RBFOX1: variants seen among roughly 807,000 people sequenced by gnomAD.
RBFOX1 encodes the protein RNA binding fox-1 homolog 1, also known as RNA binding protein fox-1 homolog 1.
Under a neutral mutation model 57.7 loss-of-function variants are expected in RBFOX1, and 8 were observed. The observed-to-expected ratio is 0.14, with a 90% CI of 0.08 to 0.25. The LOEUF (loss-of-function observed/expected upper bound fraction) is 0.25, where lower values mean the gene tolerates loss of function less well. RBFOX1 is among the 10% of genes least tolerant of loss of function. The pLI is 1.00. For missense variants in RBFOX1, 611 were observed against 548.5 expected (o/e 1.11, Z -1.14); for synonymous variants, 326 against 222.4 (o/e 1.47, Z -4.15).
At chr16:6,929,210 C>T (rs1288793366) in intron 3 of RBFOX1, among the ~76,000 whole-genome samples, 1 of 152,130 alleles carries the variant, frequency 6.6e-6, no homozygotes, top group Admixed American at 6.6e-5. Flanking sequence ...CAAGTGTGTT[C>T]TTAACTGCTT....
At chr16:5,583,396 C>G (rs1013429146) in intron 2 of RBFOX1, among the ~76,000 whole-genome samples, 2 of 152,206 alleles carry the variant, frequency 1.3e-5, no homozygotes, top group African/African-American at 2.4e-5. Context: ...CATACTTCAA[C>G]CACTTGTAGA....
intron 4 of RBFOX1, among the ~76,000 whole-genome samples, chr16:5,886,165 A>G (rs1185832069): frequency 6.6e-6 from 1 of 152,160 alleles, no homozygotes; most frequent in African/African-American, 2.4e-5. Context: ...CTGCCAGTCA[A>G]TTAAGCCTCT....
chr16:7,557,300 C>G (rs768101575), intron 5 of RBFOX1, among the ~76,000 whole-genome samples: 24 of 151,944 alleles, frequency 1.6e-4, no homozygotes, highest in Non-Finnish European at 3.1e-4. Context: ...GACCAAAATA[C>G]AATACCTCCA....
chr16:5,973,938 C>T (rs1276024793), intron 4 of RBFOX1, among the ~76,000 whole-genome samples: 1 of 152,128 alleles, frequency 6.6e-6, no homozygotes, highest in Non-Finnish European at 1.5e-5. Context: ...TCAGGATGAC[C>T]GGCATTTTCA....
At chr16:7,568,567 C>T (rs988382935) in intron 5 of RBFOX1, among the ~76,000 whole-genome samples, 4 of 152,060 alleles carry the variant, frequency 2.6e-5, no homozygotes, top group African/African-American at 9.7e-5. Flanking sequence ...CTTGTGCTGA[C>T]CTCTTATCTC....
chr16:5,447,955 T>C (rs2068301352), intron 1 of RBFOX1, among the ~76,000 whole-genome samples: 1 of 152,242 alleles, frequency 6.6e-6, no homozygotes, highest in African/African-American at 2.4e-5. Context: ...TGATTGGTTG[T>C]TGATCAGCCA....
chr16:7,485,579 G>T (rs546916380), intron 4 of RBFOX1, among the ~76,000 whole-genome samples: 1 of 152,244 alleles, frequency 6.6e-6, no homozygotes, highest in East Asian at 1.9e-4. Context: ...CAGATGGCTT[G>T]TCCCTACTCC....
chr16:6,281,900 C>T (rs948468214), intron 1 of RBFOX1, among the ~76,000 whole-genome samples: 12 of 152,094 alleles, frequency 7.9e-5, no homozygotes, highest in African/African-American at 2.9e-4. Context: ...AAGGCTACCC[C>T]ACTGCCCGCC....
At chr16:7,252,076 G>T (rs2094518085) in intron 4 of RBFOX1, among the ~76,000 whole-genome samples, 1 of 152,144 alleles carries the variant, frequency 6.6e-6, no homozygotes, top group Non-Finnish European at 1.5e-5. Flanking sequence ...TGCAAACATG[G>T]TTACTGAATT....
chr16:6,034,456 G>A (rs546090071), intron 1 of RBFOX1, among the ~76,000 whole-genome samples: 9 of 151,642 alleles, frequency 5.9e-5, no homozygotes, highest in Middle Eastern at 6.8e-3. Context: ...TCAATGTCTA[G>A]TGAGGGATGC....
chr16:6,155,850 TGA>T (rs1409156533), intron 1 of RBFOX1, among the ~76,000 whole-genome samples: 1 of 152,166 alleles, frequency 6.6e-6, no homozygotes, highest in African/African-American at 2.4e-5. Context: ...TTCACTCTGG[TGA>T]GAGACTTTTT....
chr16:6,568,976 T>A (rs967739908), intron 2 of RBFOX1, among the ~76,000 whole-genome samples: 4 of 152,058 alleles, frequency 2.6e-5, no homozygotes, highest in Non-Finnish European at 4.4e-5. Context: ...TTTCACCACA[T>A]TGGCCAGGCT....
At chr16:5,506,667 T>C (rs778738506) in intron 2 of RBFOX1, among the ~76,000 whole-genome samples, 1 of 152,044 alleles carries the variant, frequency 6.6e-6, no homozygotes, top group Non-Finnish European at 1.5e-5. Context: ...GGCTATAGAC[T>C]GGAGATGACG....
In RBFOX1 at chr16:7,653,068, T is replaced by C. The variant is rs546418542; in HGVS notation, c.758-747T>C. ...ATATCAGCATATGTACATATATGTA[T>C]ATATACATGCACACATTCATACACA... On this transcript the variant is annotated intron_variant, in intron 11 of 15. Transcript: ENST00000550418. Among the ~76,000 whole-genome samples, 7 of 147,504 alleles carry C rather than the reference T, an allele frequency of 4.7e-5. No individual in the cohort carries two copies. In the South Asian group the frequency reaches 1.5e-3, roughly 31 times the overall value.
chr16:5,937,970 C>G (rs7191260), intron 4 of RBFOX1, among the ~76,000 whole-genome samples: 27,474 of 151,860 alleles, frequency 0.18, 4,333 homozygotes, highest in African/African-American at 0.42. Context: ...AGTTACTTTG[C>G]TTATTTGAAT....
intron 4 of RBFOX1, among the ~76,000 whole-genome samples, chr16:7,432,647 G>A (rs1370323275): frequency 1.3e-5 from 2 of 152,162 alleles, no homozygotes; most frequent in East Asian, 3.9e-4. Context: ...ATAAACACAT[G>A]GGGGTAACTG....
intron 3 of RBFOX1, among the ~76,000 whole-genome samples, chr16:6,828,530 A>AG (rs1486814921): frequency 2.0e-5 from 3 of 151,986 alleles, no homozygotes; most frequent in Non-Finnish European, 1.5e-5. Flanking sequence ...TTTAAAAAAA[A>AG]AAAAAATCAG....
At chr16:6,846,272 A>T (rs997590490) in intron 3 of RBFOX1, among the ~76,000 whole-genome samples, 22 of 152,192 alleles carry the variant, frequency 1.4e-4, no homozygotes, top group African/African-American at 5.1e-4. Context: ...ATTGGCCCGA[A>T]GATCCCCAAT....
intron 1 of RBFOX1, among the ~76,000 whole-genome samples, chr16:6,249,971 G>A (rs1427905165): frequency 1.3e-5 from 2 of 152,018 alleles, no homozygotes; most frequent in African/African-American, 4.8e-5. Flanking sequence ...TACTCTGGCA[G>A]TGGAGCAGGA....
Sources: gnomAD v4.1 joint callset for allele counts (sites outside exome capture counted in the v4.1 genomes callset) on GRCh38, gnomAD v4.1.1 for gene constraint, MANE v1.5 for transcripts, NCBI Gene and HGNC (gene_info 2026-07-23, HGNC 2026-07-21) for gene names.